The following C8orf34 variants were observed in gnomAD, a reference collection of about 807,000 sequenced individuals.
C8orf34 encodes the protein chromosome 8 open reading frame 34.
Under a neutral mutation model 68.3 loss-of-function variants are expected in C8orf34, and 65 were observed. That is an observed-to-expected ratio of 0.95 (90% CI 0.78 to 1.17). The LOEUF (loss-of-function observed/expected upper bound fraction) is 1.17. Among genes scored for constraint, C8orf34 ranks in the 50% most tolerant of loss-of-function variants. C8orf34 has a pLI of 0.00. For missense variants in C8orf34, 664 were observed against 655.4 expected (o/e 1.01, Z -0.14); for synonymous variants, 244 against 241.2 (o/e 1.01, Z -0.11).
intron 7 of C8orf34, among the ~76,000 whole-genome samples, chr8:68,568,107 A>G (rs963192324): frequency 4.6e-5 from 7 of 152,140 alleles, no homozygotes; most frequent in Non-Finnish European, 8.8e-5. Context: ...GGTTAAGTTC[A>G]CCATCTTATA....
intron 10 of C8orf34, among the ~76,000 whole-genome samples, chr8:68,722,143 G>T (rs908357834): frequency 1.3e-5 from 2 of 152,032 alleles, no homozygotes; most frequent in African/African-American, 4.8e-5. Context: ...AGATCAAAGT[G>T]TTGGCAGGGC....
chr8:68,687,023 A>G (rs1353575470), intron 8 of C8orf34, among the ~76,000 whole-genome samples: 7 of 152,194 alleles, frequency 4.6e-5, no homozygotes, highest in Middle Eastern at 3.4e-3. Context: ...CAACAGCTTC[A>G]AGAAAAATAA....
rs577879614 is a variant in C8orf34, at chr8:68,534,837, C to G, written c.1105+1688C>G. The stretch of plus-strand genomic sequence containing the variant: ...ATCTCAGCTGCCCTGACTGAAGGTT[C>G]TAGTCTCCCAAGCTGAAGACCGAGG... On this transcript the variant is annotated intron_variant, in intron 7 of 13. Coordinates refer to ENST00000518698, the MANE Select transcript of C8orf34 (RefSeq NM_052958.4). The G allele has an allele frequency of 4.1e-6, 4 of 985,358 alleles. No homozygotes were observed. In the South Asian group the frequency reaches 1.9e-4, roughly 46 times the overall value. 61.0% of individuals were successfully genotyped at this position (985,358 alleles called of 1,614,324 possible).
At chr8:68,539,106 A>G (rs762245792) in intron 7 of C8orf34, among the ~76,000 whole-genome samples, 41 of 152,342 alleles carry the variant, frequency 2.7e-4, no homozygotes, top group Admixed American at 9.8e-4. Flanking sequence ...ATGGTTTCAC[A>G]TTAATTCACT....
chr8:68,538,500 G>A (rs1815575113), intron 7 of C8orf34, among the ~76,000 whole-genome samples: 1 of 151,134 alleles, frequency 6.6e-6, no homozygotes, highest in Non-Finnish European at 1.5e-5. Flanking sequence ...TGGCTAACAG[G>A]AATATTTGAC....
At chr8:68,644,197 C>T (rs894969099) in intron 8 of C8orf34, among the ~76,000 whole-genome samples, 1 of 152,008 alleles carries the variant, frequency 6.6e-6, no homozygotes, top group African/African-American at 2.4e-5. Flanking sequence ...ACTCAAAAAC[C>T]CAGTGAGATT....
At chr8:68,783,355 T>G (rs1183044590) in intron 11 of C8orf34, among the ~76,000 whole-genome samples, 1 of 151,736 alleles carries the variant, frequency 6.6e-6, no homozygotes, top group African/African-American at 2.4e-5. Flanking sequence ...CCGTCTCTAC[T>G]AAAAATGCAA....
At position 68,331,022 on chromosome 8, in the gene C8orf34, C is replaced by A; in HGVS notation, c.10C>A (p.Pro4Thr). The A allele has an allele frequency of 6.9e-7, 1 of 1,448,070 alleles. No homozygotes were observed. The highest frequency in any genetic ancestry group is 1.4e-5 in the South Asian group (1 of 71,292). The allele number at this position is 1,448,070 out of a possible 1,614,324, so 89.7% of individuals were successfully genotyped here. MSS[P>T]LASELSELAA... is the part of the protein sequence containing the mutation. ...GCGGAGAACGCGATGAATGAGTTCTCCCCTCGCCTCGGAGTTGTCTGAGTT... is the reference window on the plus strand; with the variant it reads ...GCGGAGAACGCGATGAATGAGTTCTACCCTCGCCTCGGAGTTGTCTGAGTT... Residue 4 changes from proline to threonine, a missense_variant, in exon 1 of 14, where the codon CCC (proline) becomes ACC (threonine). Physicochemically the swap from Pro to Thr is conservative, Grantham distance 38 (BLOSUM62 -1). Transcript: ENST00000518698.
chr8:68,364,839 G>A (rs1276563293), intron 1 of C8orf34, among the ~76,000 whole-genome samples: 1 of 151,816 alleles, frequency 6.6e-6, no homozygotes, highest in Non-Finnish European at 1.5e-5. Context: ...AAAAGAACTA[G>A]AAAAGCAAGA....
intron 10 of C8orf34, among the ~76,000 whole-genome samples, chr8:68,766,244 T>A (rs1164568019): frequency 6.6e-6 from 1 of 152,242 alleles, no homozygotes; most frequent in Non-Finnish European, 1.5e-5. Flanking sequence ...TCCATGCTCC[T>A]ATCTGAGTCA....
chr8:68,796,779 G>A (rs1824188536), intron 12 of C8orf34, among the ~76,000 whole-genome samples: 1 of 150,900 alleles, frequency 6.6e-6, no homozygotes, highest in African/African-American at 2.4e-5. Context: ...AGATCTGCAT[G>A]ACTTTGATTA....
intron 8 of C8orf34, among the ~76,000 whole-genome samples, chr8:68,642,969 A>G (rs1819055976): frequency 6.6e-6 from 1 of 152,194 alleles, no homozygotes; most frequent in Non-Finnish European, 1.5e-5. Flanking sequence ...CTGATCTGAC[A>G]GGAGGCGGAG....
chr8:68,628,669 C>A (rs1051506323), intron 7 of C8orf34, among the ~76,000 whole-genome samples: 4 of 152,060 alleles, frequency 2.6e-5, no homozygotes, highest in Non-Finnish European at 5.9e-5. Flanking sequence ...CTTGTGTAAC[C>A]CATTGCTGAA....
intron 5 of C8orf34, among the ~76,000 whole-genome samples, chr8:68,519,491 T>G (rs1814656997): frequency 6.6e-6 from 1 of 152,214 alleles, no homozygotes; most frequent in Admixed American, 6.5e-5. Flanking sequence ...GTTTTTGTTA[T>G]TCTCCAATAA....
intron 7 of C8orf34, among the ~76,000 whole-genome samples, chr8:68,607,544 CT>C (rs1817891598): frequency 6.6e-6 from 1 of 152,128 alleles, no homozygotes; most frequent in African/African-American, 2.4e-5. Context: ...TCAAAGACCC[CT>C]ATCTCCAAAT....
At chr8:68,800,822 T>C (rs1214244079) in intron 12 of C8orf34, among the ~76,000 whole-genome samples, 1 of 152,178 alleles carries the variant, frequency 6.6e-6, no homozygotes, top group Non-Finnish European at 1.5e-5. Context: ...TAAATAAAAT[T>C]CTACAGAAGT....
intron 9 of C8orf34, among the ~76,000 whole-genome samples, chr8:68,715,094 T>A (rs1821432543): frequency 6.6e-6 from 1 of 152,098 alleles, no homozygotes; most frequent in African/African-American, 2.4e-5. Context: ...TGAAACTGGA[T>A]CCTCATCTCT....
At chr8:68,661,977 A>G (rs974993938) in intron 8 of C8orf34, among the ~76,000 whole-genome samples, 1 of 152,140 alleles carries the variant, frequency 6.6e-6, no homozygotes, top group Non-Finnish European at 1.5e-5. Flanking sequence ...AAATAAATTG[A>G]CAGTGAAAGA....
At chr8:68,485,694 A>G (rs1026099016) in intron 4 of C8orf34, among the ~76,000 whole-genome samples, 20 of 148,586 alleles carry the variant, frequency 1.3e-4, no homozygotes, top group Non-Finnish European at 2.5e-4. Context: ...CCTAGGAGAC[A>G]AGGCAAGACT....
Sources: gnomAD v4.1 joint callset for allele counts (sites outside exome capture counted in the v4.1 genomes callset) on GRCh38, gnomAD v4.1.1 for gene constraint, MANE v1.5 for transcripts, NCBI Gene and HGNC (gene_info 2026-07-23, HGNC 2026-07-21) for gene names.